Variants in SOX5 observed in about 807,000 individuals in gnomAD.
SOX5 encodes the protein SRY-box transcription factor 5, also known as transcription factor SOX-5.
Under a neutral mutation model 92.0 loss-of-function variants are expected in SOX5, and 9 were observed. That is an observed-to-expected ratio of 0.10 (90% CI 0.06 to 0.17). The LOEUF (loss-of-function observed/expected upper bound fraction) is 0.17, where lower values mean the gene tolerates loss of function less well. SOX5 is among the 10% of genes least tolerant of loss of function. The pLI is 1.00. For synonymous variants in SOX5, 344 were observed against 336.3 expected (o/e 1.02, Z -0.25); for missense variants, 642 against 944.5 (o/e 0.68, Z 4.20).
At chr12:23,970,826 T>TTATATATATATATATATATATA (rs1279338430) in intron 4 of SOX5, among the ~76,000 whole-genome samples, 2 of 25,788 alleles carry the variant, frequency 7.8e-5, no homozygotes, top group South Asian at 2.5e-3. Flanking sequence ...ACATGGGACT[T>TTATATATATATATATATATATA]TATATATATA....
chr12:23,687,123 C>A (rs544369405), intron 6 of SOX5, among the ~76,000 whole-genome samples: 1 of 152,078 alleles, frequency 6.6e-6, no homozygotes, highest in Non-Finnish European at 1.5e-5. Flanking sequence ...TGGCTTCCTA[C>A]GTATTATAAA....
At chr12:24,479,664 C>CTT (rs140512446) in intron 1 of SOX5, among the ~76,000 whole-genome samples, 2,294 of 151,346 alleles carry the variant, frequency 0.015, 25 homozygotes, top group Middle Eastern at 0.037. Context: ...GGTATTTATT[C>CTT]ATTTTTTTTT....
At chr12:24,517,682 A>G (rs1949914353) in intron 1 of SOX5, among the ~76,000 whole-genome samples, 1 of 147,846 alleles carries the variant, frequency 6.8e-6, no homozygotes, top group Non-Finnish European at 1.5e-5. Flanking sequence ...ATTCTGTCAA[A>G]GAAAACATAA....
chr12:24,340,858 T>C (rs771181320), intron 2 of SOX5, among the ~76,000 whole-genome samples: 5 of 152,228 alleles, frequency 3.3e-5, no homozygotes, highest in Non-Finnish European at 7.3e-5. Flanking sequence ...TTTTTTGTTG[T>C]TGTTGTTAGT....
At position 23,667,638 on chromosome 12, in the gene SOX5, C is replaced by T. The variant is rs190079902; in HGVS notation, c.811-2074G>A. Among the ~76,000 whole-genome samples the T allele has an allele frequency of 2.1e-4, 32 of 152,118 alleles. 1 individual carries two copies. The highest frequency in any genetic ancestry group is 4.1e-4 in the African/African-American group (17 of 41,500). On this transcript the variant is annotated intron_variant, in intron 6 of 14. Transcript: ENST00000451604. ...CCATATTTAGCTAAAACCAAACTTA[C>T]GCTGGAACTGCATCTCCTGTCTCAA...
chr12:23,631,177 C>T (rs1298929873), intron 8 of SOX5, among the ~76,000 whole-genome samples: 1 of 151,990 alleles, frequency 6.6e-6, no homozygotes, highest in African/African-American at 2.4e-5. Flanking sequence ...GCATTTGTTC[C>T]TCTTAAGATG....
At chr12:23,604,243 C>G (rs1566234347) in intron 9 of SOX5, 144 bp downstream of exon 9, 2 of 701,710 alleles carry the variant, frequency 2.9e-6, no homozygotes, top group East Asian at 5.3e-5. Flanking sequence ...AGTTGACATG[C>G]ACACCTGTTG....
chr12:23,810,037 C>T (rs1410636423), intron 3 of SOX5, among the ~76,000 whole-genome samples: 4 of 152,080 alleles, frequency 2.6e-5, no homozygotes, highest in African/African-American at 9.7e-5. Context: ...AAACATCCTA[C>T]TGAGTATTTT....
At chr12:24,090,507 GA>G (rs1251605584) in intron 4 of SOX5, among the ~76,000 whole-genome samples, 1 of 152,100 alleles carries the variant, frequency 6.6e-6, no homozygotes, top group African/African-American at 2.4e-5. Flanking sequence ...ACAATTCCAT[GA>G]AAAGAAAATA....
rs1250562443 is a variant in SOX5, at chr12:24,450,496, T to TGA, written c.-250-81858_-250-81857insTC. On this transcript the variant is annotated intron_variant, in intron 1 of 4. Coordinates refer to the SOX5 transcript ENST00000446891. ...TTTATTTATTTATTTATTTATTTAT[T>TGA]TATTTATTTATTTATTGAGACAGAG... Among the ~76,000 whole-genome samples, 19 of 151,402 alleles carry TGA rather than the reference T, an allele frequency of 1.3e-4. No individual in the cohort carries two copies. The East Asian group carries it at 1.7e-3, about 14-fold the overall frequency.
In SOX5 at chr12:24,460,178, A is replaced by G. The variant is rs112157749; in HGVS notation, c.-250-91539T>C. Among the ~76,000 whole-genome samples, 606 of 152,338 alleles carry G rather than the reference A, an allele frequency of 4.0e-3. 4 individuals carry two copies. Among genetic ancestry groups the G allele is most frequent in the Middle Eastern group, 0.017 (5 of 294 alleles). On this transcript the variant is annotated intron_variant, in intron 1 of 4. Coordinates refer to the SOX5 transcript ENST00000446891. ...TGGTGGCAGCAACGAAGCTTAATCA[A>G]TGCAATGGGAGTGACATTTTGCAGT...
At chr12:24,326,812 GTCTA>G (rs1040278539) in intron 2 of SOX5, among the ~76,000 whole-genome samples, 6 of 30,822 alleles carry the variant, frequency 1.9e-4, no homozygotes, top group African/African-American at 5.0e-4. Flanking sequence ...ACACACACAG[GTCTA>G]CCCACCCACT....
At chr12:24,382,083 G>A (rs1342812870) in intron 1 of SOX5, among the ~76,000 whole-genome samples, 1 of 152,104 alleles carries the variant, frequency 6.6e-6, no homozygotes, top group African/African-American at 2.4e-5. Context: ...TTGCCCTCAC[G>A]CAGCTAATAT....
intron 1 of SOX5, among the ~76,000 whole-genome samples, chr12:24,515,140 A>G (rs777063991): frequency 2.6e-5 from 4 of 152,230 alleles, no homozygotes; most frequent in Non-Finnish European, 2.9e-5. Context: ...ACTCATTTGT[A>G]TTCCAGAGGC....
At chr12:23,786,774 C>A (rs752475301) in intron 3 of SOX5, among the ~76,000 whole-genome samples, 6 of 145,852 alleles carry the variant, frequency 4.1e-5, no homozygotes, top group Non-Finnish European at 9.2e-5. Flanking sequence ...CTGACCCATT[C>A]TTGATTTGAC....
intron 1 of SOX5, 136 bp from the exon 2 acceptor site, chr12:23,896,160 T>G: frequency 6.3e-6 from 4 of 635,638 alleles, no homozygotes; most frequent in South Asian, 1.9e-5. Flanking sequence ...CAAATACCAC[T>G]GCAAAGCACA....
chr12:23,955,146 G>T (rs1023345543), upstream of SOX5, among the ~76,000 whole-genome samples: 2 of 151,982 alleles, frequency 1.3e-5, no homozygotes, highest in African/African-American at 4.8e-5. Context: ...TAAAGGCAAT[G>T]AATTTTAGTT....
At chr12:24,227,699 T>C (rs1025580918) in intron 3 of SOX5, 3 of 152,124 alleles carry the variant, frequency 2.0e-5, no homozygotes, top group Non-Finnish European at 4.4e-5. Context: ...ATCATCTAAT[T>C]ATCACATACA....
intron 4 of SOX5, among the ~76,000 whole-genome samples, chr12:24,042,982 CTATGAG>C (rs572086037): frequency 1.2e-3 from 187 of 152,122 alleles, no homozygotes; most frequent in Non-Finnish European, 2.4e-3. Context: ...TACATTCTGA[CTATGAG>C]TATTAGTAGA....
Sources: gnomAD v4.1 joint callset for allele counts (sites outside exome capture counted in the v4.1 genomes callset) on GRCh38, gnomAD v4.1.1 for gene constraint, MANE v1.5 for transcripts, NCBI Gene and HGNC (gene_info 2026-07-23, HGNC 2026-07-21) for gene names.